The following CDH23 variants were observed in gnomAD, a reference collection of about 807,000 sequenced individuals.
CDH23 encodes the protein cadherin-23.
CDH23 carries 189 observed loss-of-function variants against 317.1 expected under a neutral mutation model. That is an observed-to-expected ratio of 0.60 (90% confidence interval 0.53 to 0.67). The LOEUF is 0.67. Among genes scored for constraint, CDH23 ranks in the 30% least tolerant of loss-of-function variants. CDH23 has a pLI of 0.00. For missense variants in CDH23, 4,401 were observed against 4,592.4 expected (o/e 0.96, Z 1.20); for synonymous variants, 1,839 against 1,876.8 (o/e 0.98, Z 0.52).
intron 2 of CDH23, among the ~76,000 whole-genome samples, chr10:71,445,018 TG>T (rs936792873): frequency 1.3e-5 from 2 of 152,108 alleles, no homozygotes; most frequent in African/African-American, 4.8e-5. Flanking sequence ...AAACTTCATG[TG>T]GGGGCTCCTC....
chr10:71,510,977 G>C lies in CDH23; in HGVS notation c.312G>C (p.Glu104Asp). 1 of 1,613,890 alleles carries C rather than the reference G, an allele frequency of 6.2e-7. No homozygotes were observed. The highest frequency in any genetic ancestry group is 8.5e-7 in the Non-Finnish European group (1 of 1,179,858). ...DRETKSEFTV[E>D]FSVSDHQGVI... is the part of the protein sequence containing the mutation. ...AGACCAAGTCAGAGTTCACCGTGGA[G>C]TTCTCTGTCAGCGACCACCAGGGGG... Residue 104 changes from glutamate (E) to aspartate (D), a missense_variant, in exon 5 of 70, where the codon GAG becomes GAC. Physicochemically the swap from Glu to Asp is conservative, Grantham distance 45. Around this residue, in one of 3 missense-constraint regions of CDH23, gnomAD observed 3,068 missense variants for 3,203.3 expected, o/e 0.96. Transcript: ENST00000224721.
At chr10:71,535,999 G>A (rs749581175) in intron 6 of CDH23, among the ~76,000 whole-genome samples, 5 of 152,216 alleles carry the variant, frequency 3.3e-5, no homozygotes, top group Non-Finnish European at 5.9e-5. Flanking sequence ...CGATCTCCAG[G>A]CCTCGGGGCT....
intron 28 of CDH23, chr10:71,718,039 G>A (rs1468646052): frequency 2.6e-5 from 4 of 152,188 alleles, no homozygotes; most frequent in African/African-American, 7.2e-5. Flanking sequence ...ATCCCAGGGG[G>A]TCTGATAAAA....
intron 14 of CDH23, among the ~76,000 whole-genome samples, chr10:71,660,958 T>C (rs1473937893): frequency 1.3e-5 from 2 of 152,138 alleles, no homozygotes; most frequent in Admixed American, 6.5e-5. Flanking sequence ...GTCACGTGTG[T>C]TATCGAAGCC....
intron 56 of CDH23, 63 bp from the exon 57 acceptor site, chr10:71,806,105 G>C: frequency 6.5e-7 from 1 of 1,531,296 alleles, no homozygotes; most frequent in Non-Finnish European, 8.8e-7. Context: ...CTGGCCACCG[G>C]GAAGTCCCCA....
intron 8 of CDH23, among the ~76,000 whole-genome samples, chr10:71,576,292 T>C (rs1000877114): frequency 6.6e-6 from 1 of 152,162 alleles, no homozygotes; most frequent in Non-Finnish European, 1.5e-5. Context: ...GGGGTGGTGA[T>C]CCAGTGGGCC....
At chr10:71,455,167 C>T (rs10999817) in intron 3 of CDH23, among the ~76,000 whole-genome samples, 58,654 of 151,984 alleles carry the variant, frequency 0.39, 12,224 homozygotes, top group East Asian at 0.48. Flanking sequence ...AAACTTTTTA[C>T]TTTGAAATAA....
chr10:71,704,911 G>A lies in CDH23; in HGVS notation c.2734G>A (p.Val912Met). ...GIPAGVSIYQ[V>M]VAIDLDEGLN... is the part of the protein sequence containing the mutation. ...TCATGCTGCCCCTCCTTGCCCTCAG[G>A]TGGTGGCCATCGACCTCGATGAGGG... Residue 912 changes from valine (V) to methionine (M), a missense_variant and splice_region_variant, in exon 25 of 70, where the codon GTG becomes ATG. Around this residue, in one of 3 missense-constraint regions of CDH23, gnomAD observed 3,068 missense variants for 3,203.3 expected, o/e 0.96. Coordinates refer to ENST00000224721, the MANE Select transcript of CDH23 (RefSeq NM_022124.6). 1 of 1,611,646 alleles carries A rather than the reference G, an allele frequency of 6.2e-7. No individual in the cohort carries two copies. The highest frequency in any genetic ancestry group is 8.5e-7 in the Non-Finnish European group (1 of 1,178,764).
At chr10:71,403,827 T>C (rs1337094876) in intron 1 of CDH23, among the ~76,000 whole-genome samples, 2 of 151,924 alleles carry the variant, frequency 1.3e-5, no homozygotes, top group African/African-American at 2.4e-5. Context: ...CAGTGGCTCA[T>C]GCCTGTAATC....
chr10:71,429,873 G>A (rs113861518), intron 1 of CDH23, among the ~76,000 whole-genome samples: 148 of 152,346 alleles, frequency 9.7e-4, no homozygotes, highest in Non-Finnish European at 1.8e-3. Context: ...CTGGCAGCAG[G>A]AGGACAAGGG....
intron 39 of CDH23, 103 bp from the exon 40 acceptor site, chr10:71,778,086 C>G: frequency 6.6e-7 from 1 of 1,524,420 alleles, no homozygotes; most frequent in Non-Finnish European, 8.9e-7. Flanking sequence ...CAGTGGTTCC[C>G]CATCACAGCT....
intron 6 of CDH23, among the ~76,000 whole-genome samples, chr10:71,523,626 T>C (rs7893807): frequency 0.45 from 68,586 of 151,892 alleles, 18,981 homozygotes; most frequent in African/African-American, 0.79. Context: ...GAGCAAGCCT[T>C]AGAGATCCCG....
rs557097314 is a variant in CDH23, at chr10:71,668,783, G to T, written c.1450-6329G>T. ...CAGGCCTCACCAGTCCAAGCATGTA[G>T]CAATTCCCCCACCACAGGCTCCTCC... On this transcript the variant is annotated intron_variant, in intron 14 of 69. Transcript: ENST00000224721. Among the ~76,000 whole-genome samples, 86 of 152,316 alleles carry T rather than the reference G, an allele frequency of 5.6e-4. 1 individual carries two copies. The highest frequency in any genetic ancestry group is 2.0e-3 in the African/African-American group (83 of 41,562).
intron 3 of CDH23, among the ~76,000 whole-genome samples, chr10:71,471,554 CA>C (rs1353694390): frequency 2.4e-4 from 37 of 152,264 alleles, no homozygotes; most frequent in African/African-American, 8.4e-4. Flanking sequence ...ACCCAGTCTC[CA>C]GCCCAGCCAC....
chr10:71,568,457 G>A (rs185271580), intron 7 of CDH23, among the ~76,000 whole-genome samples: 63 of 152,292 alleles, frequency 4.1e-4, no homozygotes, highest in African/African-American at 1.3e-3. Flanking sequence ...ACCAGAGCTG[G>A]GCACAGGCAA....
Position 71,809,826 on chromosome 10 carries a change from T to G in CDH23, c.8729T>G (p.Met2910Arg). 1 of 1,611,880 alleles carries G rather than the reference T, an allele frequency of 6.2e-7. No homozygotes were observed. Among genetic ancestry groups the G allele is most frequent in the East Asian group, 2.2e-5 (1 of 44,868 alleles). The change falls in exon 61 of 70, where the codon ATG (methionine) becomes AGG (arginine). Residue 2910 changes from methionine to arginine, a missense_variant. Around this residue, in one of 3 missense-constraint regions of CDH23, gnomAD observed 1,144 missense variants for 1,138.2 expected, o/e 1.01. Coordinates refer to ENST00000224721, the MANE Select transcript of CDH23 (RefSeq NM_022124.6). Reference sequence around the variant, plus strand: ...GCCTTTGGGCTTCCTGCAGGGAGCATGGACGGCATTCTGCGCACCTTCGAC... The same window carrying G: ...GCCTTTGGGCTTCCTGCAGGGAGCAGGGACGGCATTCTGCGCACCTTCGAC... ...DVGQVFTMGS[M>R]DGILRTFDLF...
In CDH23 at chr10:71,397,298, G is replaced by A; in HGVS notation, c.-26G>A. On this transcript the variant is annotated 5_prime_UTR_variant, in exon 1 of 70. Transcript: ENST00000224721. This position sits in a 1 kb window ranked among gnomAD's most constrained non-coding sequence, Gnocchi z 4.8. ...AGCCCGAGGCGAGGCGAGGCGCGGC[G>A]CCGCTGCACACACGCACACGGTACC... is the stretch of plus-strand genomic sequence containing the variant. 5.9e-6 allele frequency: 1 copy of A among 170,748 alleles called. No homozygotes were observed. Among genetic ancestry groups the A allele is most frequent in the Non-Finnish European group, 1.3e-5 (1 of 78,768 alleles). The allele number at this position is 170,748 out of a possible 1,614,324, so 10.6% of individuals were successfully genotyped here.
At chr10:71,756,706 C>T (rs3747859) in intron 38 of CDH23, among the ~76,000 whole-genome samples, 22,834 of 152,140 alleles carry the variant, frequency 0.15, 1,922 homozygotes, top group South Asian at 0.25. Flanking sequence ...CCAACATAAA[C>T]GCATTTCCTT....
At chr10:71,669,004 C>T (rs1037024085) in intron 14 of CDH23, among the ~76,000 whole-genome samples, 8 of 152,182 alleles carry the variant, frequency 5.3e-5, no homozygotes, top group South Asian at 2.1e-4. Flanking sequence ...TCAGAAGGAA[C>T]GCCTTATAAA....
Sources: gnomAD v4.1 joint callset for allele counts (sites outside exome capture counted in the v4.1 genomes callset) on GRCh38, gnomAD v4.1.1 for gene constraint, gnomAD v4.1.1 regional missense constraint, Gnocchi (gnomAD v3.1) non-coding constraint, MANE v1.5 for transcripts, NCBI Gene and HGNC (gene_info 2026-07-23, HGNC 2026-07-21) for gene names.